EHMT2: variants seen among roughly 807,000 people sequenced by gnomAD.
EHMT2 encodes the protein euchromatic histone lysine methyltransferase 2, also known as histone-lysine N-methyltransferase EHMT2.
EHMT2 carries 59 observed loss-of-function variants against 143.3 expected under a neutral mutation model. The ratio of observed to expected loss-of-function variants is 0.41; its 90% CI spans 0.33 to 0.51. EHMT2 has a LOEUF of 0.51. Among genes scored for constraint, EHMT2 ranks in the 20% least tolerant of loss-of-function variants. The pLI is 0.18. For synonymous variants in EHMT2, 604 were observed against 651.5 expected (o/e 0.93, Z 1.11); for missense variants, 1,174 against 1,645.9 (o/e 0.71, Z 4.96).
In EHMT2 at chr6:31,897,620, C is replaced by T; in HGVS notation, c.42+16G>A. ...CGCGCGGGCATGCACCCGCCTCTCC[C>T]CCTCCCCTTCCGCACCTCGGCGGCC... On this transcript the variant is annotated intron_variant, in intron 1 of 27. Coordinates refer to ENST00000375537, the Ensembl canonical transcript of EHMT2. 8.7e-7 allele frequency: 1 copy of T among 1,149,346 alleles called. No individual in the cohort carries two copies. Among genetic ancestry groups the T allele is most frequent in the Non-Finnish European group, 1.1e-6 (1 of 935,098 alleles). The allele number at this position is 1,149,346 out of a possible 1,614,324, so 71.2% of individuals were successfully genotyped here.
In EHMT2 at chr6:31,880,142, A is replaced by G; in HGVS notation, c.3575T>C (p.Leu1192Pro). 6.2e-7 allele frequency: 1 copy of G among 1,612,940 alleles called. No individual in the cohort carries two copies. Among genetic ancestry groups the G allele is most frequent in the African/African-American group, 1.3e-5 (1 of 75,042 alleles). Residue 1192 changes from leucine to proline, a missense_variant, in exon 28 of 28, where the codon CTG becomes CCG. By Grantham distance (98) the Leu-to-Pro change is moderately conservative. This residue lies in a region of EHMT2 where 42 missense variants were observed against 45.1 expected (regional missense o/e 0.93). Transcript: ENST00000375537. This position sits in a 1 kb window ranked among gnomAD's most constrained non-coding sequence, Gnocchi z 6.6. ...GGGCAGCAGCTCAGGGTGTGGGTCC[A>G]GGCGGGCCAGACGGCTCTGCTCCAG... is the stretch of plus-strand genomic sequence containing the variant.
exon 1 of EHMT2, chr6:31,897,657 A>AGCTCCCGCCGCCGCCGCC: frequency 8.6e-7 from 1 of 1,167,502 alleles, no homozygotes; most frequent in South Asian, 4.2e-5. Context: ...CCGCCGCTGC[A>AGCTCCCGCCGCCGCCGCC]GCTCCCGCCG....
chr6:31,897,641 C>G, exon 1 of EHMT2: 1 of 1,156,252 alleles, frequency 8.6e-7, no homozygotes, highest in Non-Finnish European at 1.1e-6. Flanking sequence ...CGCACCTCGG[C>G]GGCCGCCGCC....
intron 18 of EHMT2, chr6:31,885,944 G>A (rs375539293): frequency 5.3e-5 from 8 of 152,008 alleles, no homozygotes; most frequent in South Asian, 2.1e-4. Flanking sequence ...AAAATTAGCC[G>A]GGCATGGTGG....
intron 18 of EHMT2, 173 bp from the exon 19 acceptor site, chr6:31,885,189 C>A (rs1764668443): frequency 1.1e-6 from 1 of 900,156 alleles, no homozygotes; most frequent in Non-Finnish European, 1.6e-6. Flanking sequence ...AAAAATGGGA[C>A]TAGTAGGGTC....
At position 31,896,997 on chromosome 6, in the gene EHMT2, G is replaced by A; in HGVS notation, c.43-8C>T. ...CTCAGCGGGGGCCTCCCCCTGGGAG[G>A]GGAGACAAGGGACAGGAGGGCTGGT... On this transcript the variant is annotated splice_polypyrimidine_tract_variant and splice_region_variant and intron_variant, in intron 1 of 27. Coordinates refer to ENST00000375537, the Ensembl canonical transcript of EHMT2. The A allele has an allele frequency of 3.2e-6, 5 of 1,560,702 alleles. No individual in the cohort carries two copies. Among genetic ancestry groups the A allele is most frequent in the Non-Finnish European group, 4.3e-6 (5 of 1,158,328 alleles).
At chr6:31,891,068 G>A (rs928506108) in intron 7 of EHMT2, among the ~76,000 whole-genome samples, 1 of 151,514 alleles carries the variant, frequency 6.6e-6, no homozygotes, top group Admixed American at 6.6e-5. Context: ...TCAGCCTCCC[G>A]AGTAGCTGGA....
chr6:31,882,117 T>TAA (rs9279449), intron 25 of EHMT2, among the ~76,000 whole-genome samples: 3,157 of 97,114 alleles, frequency 0.033, 83 homozygotes, highest in East Asian at 0.15. Flanking sequence ...AAAAATAAAT[T>TAA]AAAAAAAAAA....
Position 31,882,689 on chromosome 6 carries a change from G to C in EHMT2, c.3197+10C>G. ...TCCCACCAGGTGTTAAGGTGCTCCC[G>C]GTGACTTACTCGCAGATGAAGGTCC... On this transcript the variant is annotated intron_variant, in intron 25 of 27. Transcript: ENST00000375537. The C allele has an allele frequency of 6.2e-7, 1 of 1,611,098 alleles. No individual in the cohort carries two copies. The highest frequency in any genetic ancestry group is 1.7e-5 in the Admixed American group (1 of 59,754).
intron 18 of EHMT2, 156 bp downstream of exon 18, chr6:31,886,425 G>A (rs1289380938): frequency 4.8e-6 from 3 of 626,950 alleles, no homozygotes; most frequent in Non-Finnish European, 8.2e-6. Context: ...AGAAAGAAAA[G>A]AATGAAGAGA....
chr6:31,883,903 C>A lies in EHMT2; in HGVS notation c.2819G>T (p.Gly940Val). The change falls in exon 22 of 28, where the codon GGT (glycine) becomes GTT (valine). Residue 940 changes from glycine (G) to valine (V), a missense_variant. Around this residue, in one of 6 missense-constraint regions of EHMT2, gnomAD observed 608 missense variants for 903.7 expected, o/e 0.67. Transcript: ENST00000375537. This position sits in a 1 kb window ranked among gnomAD's most constrained non-coding sequence, Gnocchi z 5.6. ...CTCAGGGCAGGGCTCCCCATCCACA[C>A]CGTTGACACAGGGAATGGGCACGTT... 6.2e-7 allele frequency: 1 copy of A among 1,614,032 alleles called. No homozygotes were observed. The highest frequency in any genetic ancestry group is 8.5e-7 in the Non-Finnish European group (1 of 1,179,978).
At position 31,883,311 on chromosome 6, in the gene EHMT2, C is replaced by A. The variant is rs760059132; in HGVS notation, c.2994+51G>T. 1.0e-5 allele frequency: 16 copies of A among 1,579,336 alleles called. No homozygotes were observed. Among genetic ancestry groups the A allele is most frequent in the Non-Finnish European group, 1.3e-5 (15 of 1,151,458 alleles). Reference sequence around the variant, plus strand: ...AGGGAGCTGGTTTATTGGAGGCTGGCTCCTCTGAAGGAGGGGCCGGGTGTC... The same window carrying A: ...AGGGAGCTGGTTTATTGGAGGCTGGATCCTCTGAAGGAGGGGCCGGGTGTC... On this transcript the variant is annotated intron_variant, in intron 23 of 27. Coordinates refer to ENST00000375537, the Ensembl canonical transcript of EHMT2. This position sits in a 1 kb window ranked among gnomAD's most constrained non-coding sequence, Gnocchi z 5.6.
chr6:31,897,030 G>C, intron 1 of EHMT2, 41 bp from the exon 2 acceptor site: 21 of 1,526,380 alleles, frequency 1.4e-5, no homozygotes, highest in Admixed American at 2.2e-5. Context: ...GGTCAGCCCA[G>C]TAGAGAGTTG....
exon 1 of EHMT2, chr6:31,897,668 C>CCGCCGCCAT (rs1766761699): frequency 8.6e-7 from 1 of 1,160,098 alleles, no homozygotes; most frequent in Non-Finnish European, 1.1e-6. Context: ...GCTCCCGCCG[C>CCGCCGCCAT]CGCCGCCATC....
At position 31,889,379 on chromosome 6, in the gene EHMT2, C is replaced by T. The variant is rs767972665; in HGVS notation, c.1000-37G>A. On this transcript the variant is annotated intron_variant, in intron 8 of 27. Transcript: ENST00000375537. The surrounding 1 kb of genome is among the most constrained non-coding windows in gnomAD (Gnocchi z 5.1). ...GAGGAGGAGGAGTTAGGAACCCTCA[C>T]CCCCAGGGGCCCCCCCAACACCTTC... is the stretch of plus-strand genomic sequence containing the variant. 3 of 1,608,808 alleles carry T rather than the reference C, an allele frequency of 1.9e-6. No homozygotes were observed. Among genetic ancestry groups the T allele is most frequent in the Non-Finnish European group, 1.7e-6 (2 of 1,178,342 alleles).
chr6:31,886,259 T>C (rs1764829759), intron 18 of EHMT2: 1 of 353,346 alleles, frequency 2.8e-6, no homozygotes, highest in African/African-American at 2.1e-5. Flanking sequence ...TTCTGGACAA[T>C]GATGGAATAA....
At chr6:31,897,153 C>A in intron 1 of EHMT2, 164 bp from the exon 2 acceptor site, 1 of 1,354,032 alleles carries the variant, frequency 7.4e-7, no homozygotes, top group Non-Finnish European at 9.5e-7. Context: ...GGCCGCACGA[C>A]CCCTCCCCCG....
chr6:31,887,508 C>T (rs889166398), intron 15 of EHMT2, 69 bp downstream of exon 15: 38 of 1,400,266 alleles, frequency 2.7e-5, no homozygotes, highest in Non-Finnish European at 3.4e-5. Flanking sequence ...TACTCCTGGC[C>T]CTGTACCCAG....
chr6:31,889,188 G>C lies in EHMT2; in HGVS notation c.1114+40C>G. ...GTGCACACACTCTGGGGGGCCGGGC[G>C]GGGGCTGGAGGGCACCCAAAAGCAG... On this transcript the variant is annotated intron_variant, in intron 9 of 27. Coordinates refer to ENST00000375537, the Ensembl canonical transcript of EHMT2. This position sits in a 1 kb window ranked among gnomAD's most constrained non-coding sequence, Gnocchi z 5.1. 1 of 1,568,022 alleles carries C rather than the reference G, an allele frequency of 6.4e-7. No individual in the cohort carries two copies. Among genetic ancestry groups the C allele is most frequent in the Non-Finnish European group, 8.7e-7 (1 of 1,155,828 alleles).
Sources: gnomAD v4.1 joint callset for allele counts (sites outside exome capture counted in the v4.1 genomes callset) on GRCh38, gnomAD v4.1.1 for gene constraint, gnomAD v4.1.1 regional missense constraint, Gnocchi (gnomAD v3.1) non-coding constraint, MANE v1.5 for transcripts, NCBI Gene and HGNC (gene_info 2026-07-23, HGNC 2026-07-21) for gene names.